ORC3: variants seen among roughly 807,000 people sequenced by gnomAD.
ORC3 encodes homolog of latheo, Drosophila.
In ORC3, 78 loss-of-function variants were observed where a neutral mutation model predicts 100.7. That is an observed-to-expected ratio of 0.77 (90% CI 0.65 to 0.94). The LOEUF (loss-of-function observed/expected upper bound fraction) is 0.94, where lower values mean the gene tolerates loss of function less well. ORC3 is among the 40% of genes least tolerant of loss of function. The probability of loss-of-function intolerance (pLI) is 0.00; values close to 1 mark genes in which losing one functional copy is unlikely to be tolerated. For synonymous variants in ORC3, 295 were observed against 289.3 expected (o/e 1.02, Z -0.20); for missense variants, 789 against 823.9 (o/e 0.96, Z 0.52).
At position 87,655,519 on chromosome 6, in the gene ORC3, T is replaced by C. The variant is rs959919690; in HGVS notation, c.1517-1387T>C. 3.3e-5 allele frequency among the ~76,000 whole-genome samples: 5 copies of C among 151,760 alleles called. No homozygotes were observed. The East Asian group carries it at 7.7e-4, about 23-fold the overall frequency. Reference sequence around the variant, plus strand: ...GGCACGTCCCACCACACTTGGCTAATTTTTTTGTATTTTTGTAGGGATGGG... The same window carrying C: ...GGCACGTCCCACCACACTTGGCTAACTTTTTTGTATTTTTGTAGGGATGGG... On this transcript the variant is annotated intron_variant, in intron 14 of 19. Transcript: ENST00000392844.
In ORC3 at chr6:87,621,507, T is replaced by G. The variant is rs754730099; in HGVS notation, c.1121+20T>G. ...TAGGAGGTAAAAAGAGAAGTACATG[T>G]TTAACACATACTATACTAGAATTTG... On this transcript the variant is annotated intron_variant, in intron 10 of 19. Transcript: ENST00000392844. The G allele has an allele frequency of 2.6e-6, 4 of 1,541,228 alleles. No homozygotes were observed. The African/African-American group carries it at 5.6e-5, about 22-fold the overall frequency.
intron 13 of ORC3, among the ~76,000 whole-genome samples, chr6:87,650,238 A>T (rs1302378528): frequency 6.6e-6 from 1 of 151,872 alleles, no homozygotes; most frequent in Non-Finnish European, 1.5e-5. Flanking sequence ...TATTTTTTGT[A>T]GGAATGAGGG....
intron 11 of ORC3, among the ~76,000 whole-genome samples, chr6:87,624,896 C>T (rs1021489540): frequency 4.6e-5 from 7 of 152,208 alleles, no homozygotes; most frequent in South Asian, 2.1e-4. Context: ...ACCCTGTGTC[C>T]GTGTGTTCTC....
rs2307386 is a variant in ORC3 at position 87,607,852 on chromosome 6, A to G, written c.579+28A>G. ...AGATATAAACTGATGATTTTCTCCC[A>G]GGAAATTGACGTATGATTGATGTGG... On this transcript the variant is annotated intron_variant, in intron 6 of 19. Coordinates refer to ENST00000392844, the MANE Select transcript of ORC3 (RefSeq NM_012381.4). 4.3e-3 allele frequency: 6,666 copies of G among 1,554,202 alleles called. 228 individuals are homozygous for G. In the African/African-American group the frequency reaches 0.078, roughly 18 times the overall value.
intron 11 of ORC3, among the ~76,000 whole-genome samples, chr6:87,633,383 T>C (rs192631616): frequency 2.0e-3 from 307 of 152,364 alleles, no homozygotes; most frequent in African/African-American, 7.1e-3. Flanking sequence ...TATGGCTACT[T>C]TTGTTATGAT....
intron 1 of ORC3, among the ~76,000 whole-genome samples, chr6:87,590,511 A>G (rs1311056833): frequency 6.6e-6 from 1 of 152,226 alleles, no homozygotes; most frequent in Non-Finnish European, 1.5e-5. Flanking sequence ...GTTAGGTACC[A>G]AGATGCAGTG....
intron 16 of ORC3, 142 bp from the exon 17 acceptor site, chr6:87,662,861 T>C (rs1272769513): frequency 4.9e-6 from 2 of 405,934 alleles, no homozygotes; most frequent in Non-Finnish European, 7.9e-6. Context: ...AATGGTTCAG[T>C]CCTCTACAGA....
rs929635001 is a variant in ORC3 at position 87,590,178 on chromosome 6, T to A, written c.10T>A (p.Ser4Thr). 1.2e-6 allele frequency: 2 copies of A among 1,614,054 alleles called. No homozygotes were observed. Among genetic ancestry groups the A allele is most frequent in the African/African-American group, 2.7e-5 (2 of 74,948 alleles). The change falls in exon 1 of 20, where the codon TCC becomes ACC. Residue 4 changes from serine (S) to threonine (T), a missense_variant. Physicochemically the swap from Ser to Thr is moderately conservative, Grantham distance 58 (BLOSUM62 1). This residue lies in a region of ORC3 where 399 missense variants were observed against 382.0 expected (regional missense o/e 1.04). Coordinates refer to ENST00000392844, the MANE Select transcript of ORC3 (RefSeq NM_012381.4). MATSSMSKGCFVFK... is the reference protein window; with the variant it reads MATTSMSKGCFVFK... ...CAGAGTCAGTAAGACCATGGCTACGTCCTCGATGTCTAAGGTATGTGGTGG... is the reference window on the plus strand; with the variant it reads ...CAGAGTCAGTAAGACCATGGCTACGACCTCGATGTCTAAGGTATGTGGTGG...
chr6:87,622,769 CCTT>C (rs28381510), intron 11 of ORC3, among the ~76,000 whole-genome samples: 1 of 152,082 alleles, frequency 6.6e-6, no homozygotes, highest in Non-Finnish European at 1.5e-5. Flanking sequence ...GCAGTTGCTG[CCTT>C]CTTACAATAT....
intron 15 of ORC3, 47 bp from the exon 16 acceptor site, chr6:87,657,873 GT>G (rs1769842591): frequency 1.9e-6 from 2 of 1,040,684 alleles, no homozygotes; most frequent in African/African-American, 1.6e-5. Context: ...CCTCTGAGGG[GT>G]TTTCTGTCTG....
chr6:87,639,240 A>C (rs1374196162), intron 13 of ORC3, among the ~76,000 whole-genome samples: 1 of 152,192 alleles, frequency 6.6e-6, no homozygotes, highest in South Asian at 2.1e-4. Flanking sequence ...TGACATGTTT[A>C]AATAACCACA....
At chr6:87,655,856 AT>A (rs1270031669) in intron 14 of ORC3, among the ~76,000 whole-genome samples, 1 of 152,184 alleles carries the variant, frequency 6.6e-6, no homozygotes, top group African/African-American at 2.4e-5. Context: ...AGCAAACTAC[AT>A]GTTAATGACA....
At chr6:87,653,298 A>T in intron 14 of ORC3, 49 bp downstream of exon 14, 1 of 1,567,680 alleles carries the variant, frequency 6.4e-7, no homozygotes, top group Non-Finnish European at 8.7e-7. Flanking sequence ...CAGTCATTTA[A>T]CTAAAATGGC....
At chr6:87,616,770 A>G (rs1269042011) in intron 9 of ORC3, among the ~76,000 whole-genome samples, 1 of 151,214 alleles carries the variant, frequency 6.6e-6, no homozygotes, top group African/African-American at 2.4e-5. Flanking sequence ...GGGTCAGCAA[A>G]CTTCTGTAAA....
intron 7 of ORC3, among the ~76,000 whole-genome samples, chr6:87,609,775 C>T (rs1247899706): frequency 1.3e-5 from 2 of 152,108 alleles, no homozygotes; most frequent in Non-Finnish European, 2.9e-5. Flanking sequence ...TGTTCTCGAA[C>T]TCCTGACCTC....
intron 10 of ORC3, 66 bp downstream of exon 10, chr6:87,621,553 G>T: frequency 9.4e-7 from 1 of 1,066,514 alleles, no homozygotes; most frequent in Non-Finnish European, 1.3e-6. Context: ...AGAGATCTCA[G>T]ATCCAGTTAT....
At chr6:87,650,942 GGTT>G (rs1172354947) in intron 13 of ORC3, 1 of 327,538 alleles carries the variant, frequency 3.1e-6, no homozygotes, top group Admixed American at 3.8e-5. Context: ...GGGAGGCAGA[GGTT>G]GCGGTGAGCC....
chr6:87,602,193 C>T lies in ORC3; in HGVS notation c.177+312C>T, dbSNP rs28381474. Among the ~76,000 whole-genome samples the T allele has an allele frequency of 4.1e-3, 626 of 152,160 alleles. 22 individuals are homozygous for T. The East Asian group carries it at 0.1, about 25-fold the overall frequency. On this transcript the variant is annotated intron_variant, in intron 3 of 19. Coordinates refer to ENST00000392844, the MANE Select transcript of ORC3 (RefSeq NM_012381.4). ...GTTGCAGTGAGCCGAGATAGTACCA[C>T]GGCACTCCAGCCTGGGCAGCAGAGA...
chr6:87,601,734 T>G (rs1777914746), intron 2 of ORC3, 50 bp from the exon 3 acceptor site: 2 of 1,075,400 alleles, frequency 1.9e-6, no homozygotes, highest in East Asian at 4.9e-5. Context: ...GATCTATAAC[T>G]TATACTATTA....
Sources: gnomAD v4.1 joint callset for allele counts (sites outside exome capture counted in the v4.1 genomes callset) on GRCh38, gnomAD v4.1.1 for gene constraint, gnomAD v4.1.1 regional missense constraint, MANE v1.5 for transcripts, NCBI Gene and HGNC (gene_info 2026-07-23, HGNC 2026-07-21) for gene names.